MAVS: variants seen among roughly 807,000 people sequenced by gnomAD.
The protein encoded by MAVS is mitochondrial antiviral signaling protein, also known as mitochondrial antiviral-signaling protein.
MAVS carries 20 observed loss-of-function variants against 30.2 expected under a neutral mutation model. That is an observed-to-expected ratio of 0.66 (90% CI 0.47 to 0.96). The LOEUF is 0.96. MAVS is among the 40% of genes least tolerant of loss of function. The pLI is 0.00. For missense variants in MAVS, 624 were observed against 701.1 expected (o/e 0.89, Z 1.24); for synonymous variants, 278 against 293.9 (o/e 0.95, Z 0.55).
rs1284071203 is a variant in MAVS, at chr20:3,869,855, T to G, written c.*3708T>G. ...CCTGACCTCAAGTGCTCCACCTGCG[T>G]TGGCTTCCCAAAGTGCTGGGATACA... On this transcript the variant is annotated 3_prime_UTR_variant, in exon 7 of 7. Coordinates refer to ENST00000428216, the MANE Select transcript of MAVS (RefSeq NM_020746.5). The G allele has an allele frequency of 1.3e-5, 2 of 152,198 alleles. No homozygotes were observed. Among genetic ancestry groups the G allele is most frequent in the Non-Finnish European group, 2.9e-5 (2 of 68,072 alleles). 9.4% of individuals were successfully genotyped at this position (152,198 alleles called of 1,614,324 possible).
chr20:3,864,317 C>T lies in MAVS; in HGVS notation c.687C>T (p.Pro229=). The T allele has an allele frequency of 6.2e-7, 1 of 1,614,018 alleles. No homozygotes were observed. The highest frequency in any genetic ancestry group is 8.5e-7 in the Non-Finnish European group (1 of 1,179,978). ...GPVSPSVSFQ[P]LARSTPRASR... ...TGTCTCCATCTGTCTCCTTCCAGCC[C>T]CTGGCCCGTTCCACCCCCAGGGCAA... The change falls in exon 6 of 7, where the codon CCC becomes CCT. Residue 229 remains proline, a synonymous_variant. Transcript: ENST00000428216.
Position 3,865,539 on chromosome 20 carries a change from G to T in MAVS, c.1159-144G>T. 5.2e-6 allele frequency: 4 copies of T among 768,862 alleles called. No individual in the cohort carries two copies. In the South Asian group the frequency reaches 7.5e-5, roughly 14 times the overall value. The allele number at this position is 768,862 out of a possible 1,614,324, so 47.6% of individuals were successfully genotyped here. On this transcript the variant is annotated intron_variant, in intron 6 of 6. Transcript: ENST00000428216. The surrounding 1 kb of genome is among the most constrained non-coding windows in gnomAD (Gnocchi z 4.7). ...GTCCCCTCTACCCCCACTGCTCCAA[G>T]AAAAGGTGGCCTAGGGGCATTATAG...
rs1157377013 is a variant in MAVS, at chr20:3,869,049, C to G, written c.*2902C>G. On this transcript the variant is annotated 3_prime_UTR_variant, in exon 7 of 7. Coordinates refer to ENST00000428216, the MANE Select transcript of MAVS (RefSeq NM_020746.5). ...TTTTAGAGAATCACCCAGCCTGGAG[C>G]GAAGTGGTGCAATCATAACTCACTG... 1.3e-5 allele frequency: 2 copies of G among 152,136 alleles called. No homozygotes were observed. Among genetic ancestry groups the G allele is most frequent in the Non-Finnish European group, 2.9e-5 (2 of 68,042 alleles). The allele number at this position is 152,136 out of a possible 1,614,324, so 9.4% of individuals were successfully genotyped here.
Position 3,865,654 on chromosome 20 carries a change from C to A in MAVS, c.1159-29C>A. ...GGTTCGTCTCCCTGCCAACCCCAGT[C>A]CCTTCCAGTGCTCTCCTTTCTTTCC... is the stretch of plus-strand genomic sequence containing the variant. On this transcript the variant is annotated intron_variant, in intron 6 of 6. Transcript: ENST00000428216. This position sits in a 1 kb window ranked among gnomAD's most constrained non-coding sequence, Gnocchi z 4.7. 1.9e-6 allele frequency: 3 copies of A among 1,564,410 alleles called. No individual in the cohort carries two copies. In the South Asian group the frequency reaches 3.5e-5, roughly 18 times the overall value.
In MAVS at chr20:3,874,394, A is replaced by G. The variant is rs985416516; in HGVS notation, c.*8247A>G. 2.5e-6 allele frequency: 1 copy of G among 396,054 alleles called. No homozygotes were observed. Among genetic ancestry groups the G allele is most frequent in the Non-Finnish European group, 4.4e-6 (1 of 224,972 alleles). The allele number at this position is 396,054 out of a possible 1,614,324, so 24.5% of individuals were successfully genotyped here. On this transcript the variant is annotated 3_prime_UTR_variant, in exon 7 of 7. Coordinates refer to ENST00000428216, the MANE Select transcript of MAVS (RefSeq NM_020746.5). ...GGAGATGTGGAAATAAAAACCACCT[A>G]AACAAGAGCAGAGAGGCCATTTGGT... is the stretch of plus-strand genomic sequence containing the variant.
chr20:3,859,874 T>C (rs1021371506), intron 3 of MAVS, among the ~76,000 whole-genome samples: 3 of 151,918 alleles, frequency 2.0e-5, no homozygotes, highest in East Asian at 3.9e-4. Flanking sequence ...TGGAGTGCAG[T>C]GGTGCCATCT....
chr20:3,860,996 C>T (rs1313405556), intron 3 of MAVS, among the ~76,000 whole-genome samples: 20 of 128,112 alleles, frequency 1.6e-4, no homozygotes, highest in Non-Finnish European at 2.1e-4. Context: ...CTTTTTTTTT[C>T]TTTCTTTTTT....
Position 3,875,486 on chromosome 20 carries a change from A to AAAC in MAVS, c.*9341_*9342insCAA, listed in dbSNP as rs979279514. On this transcript the variant is annotated 3_prime_UTR_variant, in exon 7 of 7. Transcript: ENST00000428216. Reference sequence around the variant, plus strand: ...GTGCTGTTTTTATTTAAAAAAAAAAAAAACCAGCCAAAACCACAACTTTTT... The same window carrying AAAC: ...GTGCTGTTTTTATTTAAAAAAAAAAAAACAAACCAGCCAAAACCACAACTTTTT... 4 of 151,676 alleles carry AAAC rather than the reference A, an allele frequency of 2.6e-5. No homozygotes were observed. The highest frequency in any genetic ancestry group is 9.7e-5 in the African/African-American group (4 of 41,270). The allele number at this position is 151,676 out of a possible 1,614,324, so 9.4% of individuals were successfully genotyped here. A position where few individuals can be genotyped will look rare whatever the true frequency, so the allele number is the denominator to read the frequency against.
At chr20:3,853,730 GCTGCAGTGAACTATTATTGCACCA>G (rs765589214) in intron 1 of MAVS, among the ~76,000 whole-genome samples, 22 of 151,990 alleles carry the variant, frequency 1.4e-4, no homozygotes, top group Admixed American at 7.2e-4. Flanking sequence ...CGAGTTCGAG[GCTGCAGTGAACTATTATTGCACCA>G]CTGCACCCAA....
rs969959247 is a variant in MAVS, at chr20:3,864,681, A to G, written c.1051A>G (p.Ile351Val). The G allele has an allele frequency of 1.9e-6, 3 of 1,614,208 alleles. No homozygotes were observed. Among genetic ancestry groups the G allele is most frequent in the Non-Finnish European group, 2.5e-6 (3 of 1,180,032 alleles). ...LTNPAPSKLPINSTRAGMVPS... is the reference protein window; with the variant it reads ...LTNPAPSKLPVNSTRAGMVPS... ...CAATCCAGCACCATCCAAATTGCCCATCAACTCAACCCGTGCTGGCATGGT... is the reference window on the plus strand; with the variant it reads ...CAATCCAGCACCATCCAAATTGCCCGTCAACTCAACCCGTGCTGGCATGGT... The change falls in exon 6 of 7, where the codon ATC becomes GTC. Residue 351 changes from isoleucine to valine, a missense_variant. Physicochemically the swap from Ile to Val is conservative, Grantham distance 29. Coordinates refer to ENST00000428216, the MANE Select transcript of MAVS (RefSeq NM_020746.5).
At chr20:3,852,690 AT>A (rs1031947705) in intron 1 of MAVS, among the ~76,000 whole-genome samples, 2 of 151,938 alleles carry the variant, frequency 1.3e-5, no homozygotes, top group African/African-American at 4.8e-5. Flanking sequence ...TTGGTCTTCA[AT>A]TATTTTTATT....
intron 5 of MAVS, among the ~76,000 whole-genome samples, chr20:3,863,664 G>A (rs773450417): frequency 3.3e-5 from 5 of 152,148 alleles, no homozygotes; most frequent in African/African-American, 4.8e-5. Flanking sequence ...GAGTCCTGCT[G>A]CAACTGCCTT....
At chr20:3,863,702 T>G (rs1372532010) in intron 5 of MAVS, among the ~76,000 whole-genome samples, 2 of 152,122 alleles carry the variant, frequency 1.3e-5, no homozygotes, top group Non-Finnish European at 2.9e-5. Context: ...TGCTATCCTC[T>G]GCTTCCCCCA....
chr20:3,863,337 C>G (rs1039166791), intron 5 of MAVS, among the ~76,000 whole-genome samples: 3 of 152,170 alleles, frequency 2.0e-5, no homozygotes, highest in Non-Finnish European at 2.9e-5. Context: ...ACGCTGGTGC[C>G]CAGTCAGCCC....
chr20:3,854,788 G>A (rs1425383687), intron 2 of MAVS, 47 bp downstream of exon 2: 5 of 1,396,198 alleles, frequency 3.6e-6, no homozygotes, highest in East Asian at 2.3e-5. Context: ...GGGCAGGGCT[G>A]TGGAATTCAA....
chr20:3,873,026 ACT>A lies in MAVS; in HGVS notation c.*6880_*6881del, dbSNP rs1051079764. 7.2e-5 allele frequency: 11 copies of A among 152,286 alleles called. No homozygotes were observed. Among genetic ancestry groups the A allele is most frequent in the African/African-American group, 2.7e-4 (11 of 41,418 alleles). 9.4% of individuals were successfully genotyped at this position (152,286 alleles called of 1,614,324 possible). ...CAAGTGTTTATCTGATCAGTTATGTACTGTTTATAATAAGTAAATCAGCAGAG... is the reference window on the plus strand; with the variant it reads ...CAAGTGTTTATCTGATCAGTTATGTAGTTTATAATAAGTAAATCAGCAGAG... On this transcript the variant is annotated 3_prime_UTR_variant, in exon 7 of 7. Coordinates refer to ENST00000428216, the MANE Select transcript of MAVS (RefSeq NM_020746.5).
intron 3 of MAVS, among the ~76,000 whole-genome samples, chr20:3,858,136 G>A (rs2089829226): frequency 6.6e-6 from 1 of 152,104 alleles, no homozygotes; most frequent in African/African-American, 2.4e-5. Context: ...TGTATGCCCA[G>A]CACATGGAGT....
chr20:3,848,738 A>G (rs977058393), intron 1 of MAVS, among the ~76,000 whole-genome samples: 1 of 152,116 alleles, frequency 6.6e-6, no homozygotes, highest in African/African-American at 2.4e-5. Flanking sequence ...TTGGAATCCA[A>G]TAGCATCTCA....
chr20:3,859,881 A>ACAG (rs1163181070), intron 3 of MAVS, among the ~76,000 whole-genome samples: 4 of 151,500 alleles, frequency 2.6e-5, no homozygotes, highest in Admixed American at 1.3e-4. Context: ...CAGTGGTGCC[A>ACAG]TCTCAGCTCA....
Sources: allele counts gnomAD v4.1 joint callset (sites outside exome capture counted in the v4.1 genomes callset), GRCh38; gene constraint gnomAD v4.1.1; non-coding constraint Gnocchi (gnomAD v3.1); transcripts MANE v1.5; gene names NCBI Gene and HGNC (gene_info 2026-07-23, HGNC 2026-07-21).